STPG2: variants seen among roughly 807,000 people sequenced by gnomAD.
STPG2 encodes the protein sperm tail PG-rich repeat containing 2.
A neutral mutation model predicts 54.2 loss-of-function variants in STPG2; 56 were observed. The ratio of observed to expected loss-of-function variants is 1.03; its 90% CI spans 0.83 to 1.29. STPG2 has a LOEUF of 1.29. Ranked by LOEUF, STPG2 falls within the 50% of genes most tolerant of loss-of-function variation. The probability of loss-of-function intolerance (pLI) is 0.00; values close to 1 mark genes in which losing one functional copy is unlikely to be tolerated. For missense variants in STPG2, 596 were observed against 544.9 expected (o/e 1.09, Z -0.93); for synonymous variants, 200 against 181.8 (o/e 1.10, Z -0.81).
At chr4:97,519,654 A>G (rs1033070366) in intron 4 of STPG2, among the ~76,000 whole-genome samples, 1 of 152,084 alleles carries the variant, frequency 6.6e-6, no homozygotes, top group Non-Finnish European at 1.5e-5. Flanking sequence ...CCTGGTCAAG[A>G]ATGTACTAAC....
chr4:97,984,025 GA>G (rs1734755628), intron 5 of STPG2, among the ~76,000 whole-genome samples: 1 of 151,816 alleles, frequency 6.6e-6, no homozygotes, highest in Non-Finnish European at 1.5e-5. Flanking sequence ...CCTTAACAAT[GA>G]AAACCATACC....
intron 9 of STPG2, among the ~76,000 whole-genome samples, chr4:97,746,634 A>G (rs995900851): frequency 1.3e-5 from 2 of 151,270 alleles, no homozygotes; most frequent in Admixed American, 1.3e-4. Context: ...AGTCAGCTAA[A>G]TCACAAAGGT....
At chr4:98,048,379 G>A (rs544741649) in intron 5 of STPG2, among the ~76,000 whole-genome samples, 58 of 152,302 alleles carry the variant, frequency 3.8e-4, no homozygotes, top group Non-Finnish European at 7.9e-4. Flanking sequence ...GAAGAACAAA[G>A]TTTATCTTAA....
intron 9 of STPG2, among the ~76,000 whole-genome samples, chr4:97,733,912 C>A (rs150652515): frequency 4.7e-4 from 71 of 152,302 alleles, no homozygotes; most frequent in African/African-American, 1.5e-3. Context: ...TCTAGTTGAT[C>A]ATCTTCTAGT....
intron 5 of STPG2, among the ~76,000 whole-genome samples, chr4:98,063,901 T>C (rs1251512469): frequency 6.6e-6 from 1 of 151,750 alleles, no homozygotes; most frequent in Non-Finnish European, 1.5e-5. Context: ...TTTAATTAGC[T>C]GGGTGTGGTG....
chr4:97,734,325 C>T (rs1216532597), intron 9 of STPG2, among the ~76,000 whole-genome samples: 1 of 152,022 alleles, frequency 6.6e-6, no homozygotes, highest in Non-Finnish European at 1.5e-5. Flanking sequence ...CATAGGTAAA[C>T]TTGTGTTATG....
chr4:97,638,220 C>T (rs1422495085), intron 10 of STPG2, among the ~76,000 whole-genome samples: 3 of 152,040 alleles, frequency 2.0e-5, no homozygotes, highest in East Asian at 1.9e-4. Context: ...CTTTGACAAA[C>T]CTGACAAAAA....
At chr4:97,852,421 C>G (rs1249288358) in intron 8 of STPG2, among the ~76,000 whole-genome samples, 1 of 152,048 alleles carries the variant, frequency 6.6e-6, no homozygotes, top group Non-Finnish European at 1.5e-5. Context: ...CTTTAAGAGG[C>G]CCTCAAGAAC....
chr4:97,677,460 C>T (rs1329778356), intron 10 of STPG2, among the ~76,000 whole-genome samples: 1 of 152,116 alleles, frequency 6.6e-6, no homozygotes, highest in Admixed American at 6.6e-5. Flanking sequence ...GAATGTGTAC[C>T]TGTATTCTCC....
chr4:97,608,810 A>T (rs576930080), intron 10 of STPG2, among the ~76,000 whole-genome samples: 1 of 152,178 alleles, frequency 6.6e-6, no homozygotes, highest in Admixed American at 6.6e-5. Flanking sequence ...ATTCCTGCAG[A>T]AATGTATTTT....
chr4:97,943,372 T>A (rs1337834685), intron 8 of STPG2, among the ~76,000 whole-genome samples: 1 of 152,190 alleles, frequency 6.6e-6, no homozygotes, highest in Non-Finnish European at 1.5e-5. Flanking sequence ...CAATCTGAAT[T>A]GCTCAACTAC....
chr4:97,736,720 G>C (rs1321012432), intron 9 of STPG2, among the ~76,000 whole-genome samples: 4 of 152,204 alleles, frequency 2.6e-5, no homozygotes, highest in Non-Finnish European at 5.9e-5. Context: ...CTCGAACTGG[G>C]TGGAGCCCAC....
At chr4:97,926,244 G>C (rs1432723948) in intron 8 of STPG2, among the ~76,000 whole-genome samples, 1 of 152,152 alleles carries the variant, frequency 6.6e-6, no homozygotes, top group Non-Finnish European at 1.5e-5. Flanking sequence ...ACCCAAGTCT[G>C]TGATTATCCT....
intron 5 of STPG2, among the ~76,000 whole-genome samples, chr4:97,994,903 T>C (rs981915320): frequency 6.6e-6 from 1 of 152,018 alleles, no homozygotes; most frequent in Non-Finnish European, 1.5e-5. Flanking sequence ...CAAGGGCAGG[T>C]AGAGAAAGAT....
intron 8 of STPG2, chr4:97,892,902 C>CTTTTTAAATTTGCTTAGGTATTTCTT (rs1730826168): frequency 6.6e-6 from 1 of 152,166 alleles, no homozygotes; most frequent in Non-Finnish European, 1.5e-5. Flanking sequence ...CTACTTTGGA[C>CTTTTTAAATTTGCTTAGGTATTTCTT]TCACTCTCAA....
chr4:97,470,122 C>T (rs929365789), intron 4 of STPG2, among the ~76,000 whole-genome samples: 2 of 152,032 alleles, frequency 1.3e-5, no homozygotes, highest in Non-Finnish European at 2.9e-5. Flanking sequence ...AAATGAAAGT[C>T]AGATTCAGGA....
At chr4:97,790,920 T>C (rs1726970821) in intron 9 of STPG2, among the ~76,000 whole-genome samples, 1 of 152,170 alleles carries the variant, frequency 6.6e-6, no homozygotes, top group African/African-American at 2.4e-5. Flanking sequence ...AGGGGGACCA[T>C]TCTTTCTACA....
chr4:97,645,050 C>T (rs756682046), intron 10 of STPG2, among the ~76,000 whole-genome samples: 33 of 151,972 alleles, frequency 2.2e-4, no homozygotes, highest in South Asian at 8.3e-4. Flanking sequence ...ATATTCTAAA[C>T]GTACAATTAT....
chr4:97,634,320 T>A (rs1185528747), intron 10 of STPG2, among the ~76,000 whole-genome samples: 1 of 152,060 alleles, frequency 6.6e-6, no homozygotes, highest in Admixed American at 6.5e-5. Context: ...AGAAAGGACA[T>A]CCACACCAAA....
Sources: gnomAD v4.1 joint callset for allele counts (sites outside exome capture counted in the v4.1 genomes callset) on GRCh38, gnomAD v4.1.1 for gene constraint, MANE v1.5 for transcripts, NCBI Gene and HGNC (gene_info 2026-07-23, HGNC 2026-07-21) for gene names.